Variants in DLG2 observed in about 807,000 individuals in gnomAD.
DLG2 encodes disks large homolog 2.
Under a neutral mutation model 132.5 loss-of-function variants are expected in DLG2, and 45 were observed. That is an observed-to-expected ratio of 0.34 (90% confidence interval 0.27 to 0.44). The LOEUF (loss-of-function observed/expected upper bound fraction) is 0.44, where lower values mean the gene tolerates loss of function less well. DLG2 is among the 20% of genes least tolerant of loss of function. DLG2 has a pLI of 1.00. For missense variants in DLG2, 1,045 were observed against 1,196.9 expected (o/e 0.87, Z 1.87); for synonymous variants, 424 against 419.6 (o/e 1.01, Z -0.13).
chr11:85,252,163 AGG>A (rs1156717975), intron 4 of DLG2, among the ~76,000 whole-genome samples: 1 of 152,334 alleles, frequency 6.6e-6, no homozygotes, highest in East Asian at 1.9e-4. Flanking sequence ...ATCTAACCCA[AGG>A]AAACATTCAC....
At position 83,532,700 on chromosome 11, in the gene DLG2, G is replaced by T. The variant is rs1162370063; in HGVS notation, c.2193+8C>A. 6.2e-7 allele frequency: 1 copy of T among 1,612,008 alleles called. No individual in the cohort carries two copies. ...GAGAACTTGATGTTTCCATCATTTT[G>T]TACCTACCCCTTTCGAATCAATCAC... On this transcript the variant is annotated splice_region_variant and intron_variant, in intron 21 of 27. Transcript: ENST00000376104.
intron 3 of DLG2, 23 bp downstream of exon 3, chr11:85,598,634 T>C (rs374504467): frequency 1.3e-6 from 2 of 1,521,768 alleles, no homozygotes; most frequent in East Asian, 5.1e-5. Context: ...ATTAAAATGA[T>C]GAATAACTTT....
chr11:84,777,609 T>C (rs1032327394), intron 6 of DLG2, among the ~76,000 whole-genome samples: 3 of 151,916 alleles, frequency 2.0e-5, no homozygotes, highest in South Asian at 2.1e-4. Context: ...CTCACCAACA[T>C]TTGTTATTTT....
At chr11:84,953,094 TATC>T (rs1248657880) in intron 6 of DLG2, among the ~76,000 whole-genome samples, 4 of 152,164 alleles carry the variant, frequency 2.6e-5, no homozygotes, top group Non-Finnish European at 1.5e-5. Context: ...ATATCACAAT[TATC>T]ATCCTGGCTG....
chr11:85,089,493 T>C (rs1167889995), intron 6 of DLG2, among the ~76,000 whole-genome samples: 2 of 152,212 alleles, frequency 1.3e-5, no homozygotes, highest in Admixed American at 1.3e-4. Flanking sequence ...TAGTATTCCA[T>C]GCTATATGTA....
chr11:83,463,337 T>C (rs1293280528), intron 26 of DLG2, among the ~76,000 whole-genome samples: 1 of 152,168 alleles, frequency 6.6e-6, no homozygotes, highest in Non-Finnish European at 1.5e-5. Flanking sequence ...CTCTTGTTGC[T>C]AAACTCATCT....
intron 6 of DLG2, among the ~76,000 whole-genome samples, chr11:84,910,710 C>T (rs1435451299): frequency 6.6e-6 from 1 of 151,998 alleles, no homozygotes; most frequent in Non-Finnish European, 1.5e-5. Context: ...CCCAGGAGTT[C>T]GAGACCTGCC....
chr11:83,468,191 G>A (rs921095337), intron 25 of DLG2, among the ~76,000 whole-genome samples: 1 of 152,060 alleles, frequency 6.6e-6, no homozygotes, highest in Non-Finnish European at 1.5e-5. Context: ...CATCTATAAT[G>A]TTCACATGAA....
At chr11:84,282,434 T>C (rs1439954413) in intron 7 of DLG2, among the ~76,000 whole-genome samples, 1 of 152,022 alleles carries the variant, frequency 6.6e-6, no homozygotes, top group Non-Finnish European at 1.5e-5. Flanking sequence ...ATGAAGAAAT[T>C]TGCAGAGGGG....
chr11:85,181,144 C>T (rs1193949174), intron 4 of DLG2, among the ~76,000 whole-genome samples: 1 of 151,510 alleles, frequency 6.6e-6, no homozygotes. Flanking sequence ...GAAATAATTT[C>T]TCTCTTCTTT....
intron 6 of DLG2, among the ~76,000 whole-genome samples, chr11:84,607,062 T>A (rs572937885): frequency 6.6e-6 from 1 of 152,152 alleles, no homozygotes; most frequent in Non-Finnish European, 1.5e-5. Flanking sequence ...AGAGCTTAAT[T>A]TTTTTTAGTG....
rs184140562 is a variant in DLG2, at chr11:85,217,174, A to T, written c.187-62523T>A. On this transcript the variant is annotated intron_variant, in intron 4 of 27. Transcript: ENST00000376104. ...CAAAAGATAAAATTATAATTTTTTT[A>T]AAAAAAGGAACAGAACTATGATATG... Among the ~76,000 whole-genome samples the T allele has an allele frequency of 3.4e-3, 510 of 152,166 alleles. 5 individuals carry two copies. The highest frequency in any genetic ancestry group is 0.01 in the Middle Eastern group (3 of 294).
chr11:85,142,931 A>C (rs1055188274), intron 5 of DLG2, among the ~76,000 whole-genome samples: 6 of 151,690 alleles, frequency 4.0e-5, no homozygotes, highest in African/African-American at 1.2e-4. Context: ...TAATCCTTTT[A>C]ATTTGTTATT....
chr11:83,672,419 C>T (rs893674975), intron 18 of DLG2, among the ~76,000 whole-genome samples: 4 of 152,200 alleles, frequency 2.6e-5, no homozygotes, highest in East Asian at 1.9e-4. Context: ...TCAGGTGATC[C>T]GCCCACCTTG....
At chr11:85,241,331 C>A (rs560748822) in intron 4 of DLG2, among the ~76,000 whole-genome samples, 1 of 151,672 alleles carries the variant, frequency 6.6e-6, no homozygotes, top group African/African-American at 2.4e-5. Context: ...TATCATCTAC[C>A]AAAAATGTTG....
chr11:84,712,191 A>G (rs950927297), intron 6 of DLG2, among the ~76,000 whole-genome samples: 17 of 152,134 alleles, frequency 1.1e-4, no homozygotes, highest in Non-Finnish European at 1.5e-5. Context: ...GAGCTCTTTC[A>G]GTATTCTGAA....
At chr11:84,912,316 C>T (rs1336181523) in intron 6 of DLG2, among the ~76,000 whole-genome samples, 7 of 152,118 alleles carry the variant, frequency 4.6e-5, no homozygotes, top group African/African-American at 7.2e-5. Context: ...CCACCACGCC[C>T]GGCTACTTTT....
intron 6 of DLG2, among the ~76,000 whole-genome samples, chr11:84,843,263 A>G (rs1455230747): frequency 2.0e-5 from 3 of 151,296 alleles, no homozygotes; most frequent in South Asian, 2.1e-4. Flanking sequence ...CATTGTTTGT[A>G]TATCAATTAC....
At position 84,116,788 on chromosome 11, in the gene DLG2, T is replaced by C. The variant is rs141075936; in HGVS notation, c.625-17741A>G. ...CAGGATATATAAACATAAAATGACATTAAATGTCAGTATATTTTAAGTGTC... is the reference window on the plus strand; with the variant it reads ...CAGGATATATAAACATAAAATGACACTAAATGTCAGTATATTTTAAGTGTC... On this transcript the variant is annotated intron_variant, in intron 9 of 27. Transcript: ENST00000376104. Among the ~76,000 whole-genome samples the C allele has an allele frequency of 8.2e-4, 125 of 152,270 alleles. 1 individual carries two copies. Among genetic ancestry groups the C allele is most frequent in the South Asian group, 2.1e-3 (10 of 4,824 alleles).
Sources: allele counts gnomAD v4.1 joint callset (sites outside exome capture counted in the v4.1 genomes callset), GRCh38; gene constraint gnomAD v4.1.1; transcripts MANE v1.5; gene names NCBI Gene and HGNC (gene_info 2026-07-23, HGNC 2026-07-21).